SYNDIG1L: variants seen among roughly 807,000 people sequenced by gnomAD.
The protein encoded by SYNDIG1L is synapse differentiation-inducing gene protein 1-like.
Under a neutral mutation model 20.1 loss-of-function variants are expected in SYNDIG1L, and 13 were observed. The observed-to-expected ratio is 0.65, with a 90% CI of 0.42 to 1.03. The LOEUF (loss-of-function observed/expected upper bound fraction) is 1.03, where lower values mean the gene tolerates loss of function less well. Among genes scored for constraint, SYNDIG1L ranks in the 50% least tolerant of loss-of-function variants. The probability of loss-of-function intolerance (pLI) is 0.00; values close to 1 mark genes in which losing one functional copy is unlikely to be tolerated. For missense variants in SYNDIG1L, 294 were observed against 305.1 expected (o/e 0.96, Z 0.27); for synonymous variants, 128 against 129.3 (o/e 0.99, Z 0.07).
At chr14:74,430,678 A>G (rs1469782844), upstream of SYNDIG1L, among the ~76,000 whole-genome samples, 1 of 151,702 alleles carries the variant, frequency 6.6e-6, no homozygotes, top group Non-Finnish European at 1.5e-5. Flanking sequence ...CAATTGATCC[A>G]CCCGCCTTGG....
At chr14:74,419,209 T>C (rs942194899) in intron 1 of SYNDIG1L, among the ~76,000 whole-genome samples, 6 of 152,342 alleles carry the variant, frequency 3.9e-5, no homozygotes, top group Middle Eastern at 3.4e-3. Context: ...GGTTATCTGC[T>C]CTTCACAGCT....
At chr14:74,435,219 T>C in the SYNDIG1L span, among the ~76,000 whole-genome samples, 14 of 152,110 alleles carry the variant, frequency 9.2e-5, no homozygotes, top group African/African-American at 3.4e-4. Flanking sequence ...GCTGTAGCCA[T>C]TGCAGTCTTC....
At chr14:74,439,436 C>T in the SYNDIG1L span, among the ~76,000 whole-genome samples, 1 of 152,202 alleles carries the variant, frequency 6.6e-6, no homozygotes, top group African/African-American at 2.4e-5. Context: ...CTTGCCTGCA[C>T]AGTCTCACTG....
chr14:74,429,923 T>G (rs776670856), upstream of SYNDIG1L, among the ~76,000 whole-genome samples: 17 of 152,206 alleles, frequency 1.1e-4, no homozygotes, highest in Non-Finnish European at 2.1e-4. Flanking sequence ...AACTTCTTAT[T>G]TGGGGGGCTT....
At chr14:74,437,523 G>C in the SYNDIG1L span, among the ~76,000 whole-genome samples, 2 of 152,088 alleles carry the variant, frequency 1.3e-5, no homozygotes, top group African/African-American at 4.8e-5. Flanking sequence ...ATGCAAGAAA[G>C]GAAACTAGCT....
At chr14:74,435,000 G>GTGAA in the SYNDIG1L span, among the ~76,000 whole-genome samples, 19 of 146,572 alleles carry the variant, frequency 1.3e-4, no homozygotes, top group Non-Finnish European at 2.4e-4. Flanking sequence ...GGAGAATGGA[G>GTGAA]TGAACCCAGG....
chr14:74,446,686 G>A, the SYNDIG1L span, among the ~76,000 whole-genome samples: 560 of 148,894 alleles, frequency 3.8e-3, 5 homozygotes, highest in African/African-American at 0.013. Flanking sequence ...GCATGATTTC[G>A]GCTCACTGCA....
At chr14:74,478,343 C>T in the SYNDIG1L span, among the ~76,000 whole-genome samples, 1 of 152,114 alleles carries the variant, frequency 6.6e-6, no homozygotes, top group Non-Finnish European at 1.5e-5. Flanking sequence ...GAAAGATATA[C>T]AGTATTAAAA....
the SYNDIG1L span, chr14:74,476,607 A>T: frequency 2.0e-6 from 3 of 1,528,022 alleles, no homozygotes; most frequent in Non-Finnish European, 2.6e-6. Context: ...AGAAAGTAGA[A>T]GAGGTCACTG....
chr14:74,431,161 T>G (rs1002870466), upstream of SYNDIG1L, among the ~76,000 whole-genome samples: 1 of 152,148 alleles, frequency 6.6e-6, no homozygotes, highest in African/African-American at 2.4e-5. Flanking sequence ...AATCCCTGAT[T>G]GGAGCCCTTT....
At chr14:74,408,168 T>C (rs548165471) in intron 2 of SYNDIG1L, among the ~76,000 whole-genome samples, 179 bp from the exon 3 acceptor site, 1 of 152,276 alleles carries the variant, frequency 6.6e-6, no homozygotes, top group East Asian at 1.9e-4. Context: ...GCCTTAACAA[T>C]GGCACAATGA....
chr14:74,434,865 A>AT, the SYNDIG1L span, among the ~76,000 whole-genome samples: 24 of 150,540 alleles, frequency 1.6e-4, no homozygotes, highest in African/African-American at 4.9e-4. Context: ...GTGGATCATG[A>AT]GGTCAGGAGA....
rs1422111190 is a variant in SYNDIG1L at position 74,409,380 on chromosome 14, T to C, written c.365A>G (p.Tyr122Cys). The C allele has an allele frequency of 6.2e-7, 1 of 1,610,746 alleles. No homozygotes were observed. The highest frequency in any genetic ancestry group is 8.5e-7 in the Non-Finnish European group (1 of 1,178,720). The change falls in exon 2 of 4, where the codon TAT (tyrosine) becomes TGT (cysteine). Residue 122 changes from tyrosine (Y) to cysteine (C), a missense_variant. Tyr to Cys is a radical substitution (Grantham distance 194). Coordinates refer to ENST00000331628, the MANE Select transcript of SYNDIG1L (RefSeq NM_001105579.2). ...GTCCCGCAGCTCCTCTTGTACCCCA[T>C]AGGACACAGTCTGGATGGTGACATT... is the stretch of plus-strand genomic sequence containing the variant. ...AENVTIQTVSYGVQEELRDQE... is the reference protein window; with the variant it reads ...AENVTIQTVSCGVQEELRDQE...
the SYNDIG1L span, among the ~76,000 whole-genome samples, chr14:74,472,967 A>G: frequency 6.6e-6 from 1 of 152,220 alleles, no homozygotes; most frequent in Admixed American, 6.5e-5. Context: ...CTGGGTATAC[A>G]CTAGGGTCGG....
the SYNDIG1L span, among the ~76,000 whole-genome samples, chr14:74,451,787 C>T: frequency 2.0e-4 from 31 of 152,022 alleles, no homozygotes; most frequent in South Asian, 1.7e-3. Flanking sequence ...GTCAGGAGTT[C>T]GAGACCAGCC....
chr14:74,463,005 A>C, the SYNDIG1L span, among the ~76,000 whole-genome samples: 1 of 152,176 alleles, frequency 6.6e-6, no homozygotes, highest in African/African-American at 2.4e-5. Flanking sequence ...GAGAATACCA[A>C]GATGTCGGAT....
chr14:74,421,523 A>G (rs952940880), intron 1 of SYNDIG1L, among the ~76,000 whole-genome samples: 24 of 152,360 alleles, frequency 1.6e-4, no homozygotes, highest in African/African-American at 5.8e-4. Flanking sequence ...TAAAAAACAA[A>G]AAGGAATATT....
chr14:74,425,377 C>T (rs1490262281), intron 1 of SYNDIG1L, among the ~76,000 whole-genome samples: 1 of 152,230 alleles, frequency 6.6e-6, no homozygotes, highest in Non-Finnish European at 1.5e-5. Flanking sequence ...TCCTTCCTTC[C>T]CTGAAGAAAT....
At chr14:74,432,777 C>A in the SYNDIG1L span, among the ~76,000 whole-genome samples, 1 of 151,892 alleles carries the variant, frequency 6.6e-6, no homozygotes, top group Non-Finnish European at 1.5e-5. Context: ...TTGTTTGAAC[C>A]CGGGAGGTGG....
Sources: gnomAD v4.1 joint callset for allele counts (sites outside exome capture counted in the v4.1 genomes callset) on GRCh38, gnomAD v4.1.1 for gene constraint, MANE v1.5 for transcripts, NCBI Gene and HGNC (gene_info 2026-07-23, HGNC 2026-07-21) for gene names.